Variants in TRPM3 observed in about 807,000 individuals in gnomAD.
The protein encoded by TRPM3 is long transient receptor potential channel 3.
TRPM3 carries 77 observed loss-of-function variants against 181.2 expected under a neutral mutation model. The observed-to-expected ratio is 0.42, with a 90% CI of 0.35 to 0.51. The LOEUF is 0.51. TRPM3 is among the 20% of genes least tolerant of loss of function. TRPM3 has a pLI of 0.01. For synonymous variants in TRPM3, 745 were observed against 796.4 expected, an observed-to-expected ratio of 0.94 and a Z score of 1.09; for missense variants, 1,759 against 2,196.7, an observed-to-expected ratio of 0.80 and a Z score of 3.98.
chr9:70,955,743 T>C (rs990923300), intron 1 of TRPM3, among the ~76,000 whole-genome samples: 12 of 152,176 alleles, frequency 7.9e-5, no homozygotes, highest in African/African-American at 2.4e-5. Context: ...GCAAATTACC[T>C]ACAGTATAAG....
chr9:71,342,044 T>C (rs1312638123), intron 1 of TRPM3, among the ~76,000 whole-genome samples: 1 of 151,696 alleles, frequency 6.6e-6, no homozygotes, highest in African/African-American at 2.4e-5. Context: ...GACGAAACAC[T>C]TCACTCAGAA....
At chr9:71,217,810 C>A (rs1369935890) in intron 1 of TRPM3, among the ~76,000 whole-genome samples, 2 of 152,096 alleles carry the variant, frequency 1.3e-5, no homozygotes, top group Admixed American at 6.5e-5. Flanking sequence ...ATCCTGCCCA[C>A]AGCATCCCCT....
chr9:71,035,050 T>C (rs527303034), intron 1 of TRPM3, among the ~76,000 whole-genome samples: 30 of 152,344 alleles, frequency 2.0e-4, no homozygotes, highest in African/African-American at 6.7e-4. Context: ...AATCCCATCC[T>C]GTTGGAAATT....
chr9:70,590,352 G>A (rs554331459), intron 22 of TRPM3, among the ~76,000 whole-genome samples: 7 of 152,234 alleles, frequency 4.6e-5, no homozygotes, highest in African/African-American at 1.7e-4. Flanking sequence ...AACCTTGGGG[G>A]CTTGCTGGCA....
intron 1 of TRPM3, among the ~76,000 whole-genome samples, chr9:71,328,092 C>A (rs533725981): frequency 4.5e-4 from 68 of 150,516 alleles, no homozygotes; most frequent in Middle Eastern, 3.4e-3. Context: ...AAAAAAAAAA[C>A]CCCAAGTGAC....
chr9:71,349,986 T>C (rs1002905374), intron 1 of TRPM3, among the ~76,000 whole-genome samples: 1 of 47,196 alleles, frequency 2.1e-5, no homozygotes, highest in Admixed American at 2.8e-4. Context: ...TATATATATA[T>C]ATATATATAT....
chr9:70,878,623 G>A (rs1229523446), intron 1 of TRPM3, among the ~76,000 whole-genome samples: 4 of 152,006 alleles, frequency 2.6e-5, no homozygotes, highest in Non-Finnish European at 5.9e-5. Flanking sequence ...CCATAAAATC[G>A]ATTATGCACA....
At chr9:71,356,170 T>C (rs926794309) in intron 1 of TRPM3, among the ~76,000 whole-genome samples, 1 of 152,216 alleles carries the variant, frequency 6.6e-6, no homozygotes, top group African/African-American at 2.4e-5. Flanking sequence ...TAGCCCTGTA[T>C]ATCATATGCT....
intron 8 of TRPM3, among the ~76,000 whole-genome samples, chr9:70,759,508 A>T (rs985668194): frequency 6.6e-6 from 1 of 152,264 alleles, no homozygotes; most frequent in African/African-American, 2.4e-5. Flanking sequence ...ATTATAAATC[A>T]TTCTACTATA....
At chr9:71,437,864 G>GAAAAAAAAAAAAAAAAAAA (rs35701065) in intron 1 of TRPM3, among the ~76,000 whole-genome samples, 1 of 116,408 alleles carries the variant, frequency 8.6e-6, no homozygotes. Flanking sequence ...CGAAACTCCG[G>GAAAAAAAAAAAAAAAAAAA]AAAAAAAAAA....
In TRPM3 at chr9:71,344,871, T is replaced by A. The variant is rs183907003; in HGVS notation, c.183+101782A>T. On this transcript the variant is annotated intron_variant, in intron 1 of 24. Coordinates refer to the TRPM3 transcript ENST00000357533. ...AACAATATATAAGGAACTCTTGCAA[T>A]TCAATAACAAGAAAACAAACACTCA... Among the ~76,000 whole-genome samples, 401 of 152,236 alleles carry A rather than the reference T, an allele frequency of 2.6e-3. 2 individuals are homozygous for A. Among genetic ancestry groups the A allele is most frequent in the Middle Eastern group, 3.4e-3 (1 of 292 alleles).
At chr9:71,253,733 CA>C (rs2082496007) in intron 1 of TRPM3, among the ~76,000 whole-genome samples, 1 of 152,020 alleles carries the variant, frequency 6.6e-6, no homozygotes, top group African/African-American at 2.4e-5. Context: ...ATCAGTATGT[CA>C]AAGAGACGTC....
intron 1 of TRPM3, among the ~76,000 whole-genome samples, chr9:71,429,030 A>G (rs2093917797): frequency 6.6e-6 from 1 of 151,876 alleles, no homozygotes; most frequent in African/African-American, 2.4e-5. Flanking sequence ...TTTGCACAAT[A>G]CTGTATCTCA....
intron 1 of TRPM3, among the ~76,000 whole-genome samples, chr9:71,101,125 C>T (rs76848970): frequency 0.014 from 2,089 of 152,272 alleles, 36 homozygotes; most frequent in African/African-American, 0.048. Flanking sequence ...AATACACTTA[C>T]TGCCTCTACT....
chr9:71,047,810 TCACACACA>T (rs56653631), intron 1 of TRPM3, among the ~76,000 whole-genome samples: 24,615 of 141,368 alleles, frequency 0.17, 2,108 homozygotes, highest in Middle Eastern at 0.25. Context: ...ACTGGCTGCA[TCACACACA>T]CACACACACA....
chr9:71,025,994 C>T (rs2097893481), intron 1 of TRPM3, among the ~76,000 whole-genome samples: 1 of 152,204 alleles, frequency 6.6e-6, no homozygotes, highest in South Asian at 2.1e-4. Flanking sequence ...CCTGCTCTTA[C>T]CATGGGCCTC....
At position 71,358,781 on chromosome 9, in the gene TRPM3, G is replaced by A. The variant is rs541759397; in HGVS notation, c.183+87872C>T. ...CTTCTACCACCAAGCACTTGATCAC[G>A]GTGAAGTGGATCAAACTCATAGCTC... On this transcript the variant is annotated intron_variant, in intron 1 of 24. Transcript: ENST00000357533. 9.9e-5 allele frequency among the ~76,000 whole-genome samples: 15 copies of A among 152,182 alleles called. No homozygotes were observed. In the South Asian group the frequency reaches 2.3e-3, roughly 23 times the overall value.
chr9:70,960,633 T>C (rs977521539), intron 1 of TRPM3, among the ~76,000 whole-genome samples: 28 of 152,188 alleles, frequency 1.8e-4, no homozygotes, highest in African/African-American at 6.8e-4. Flanking sequence ...TGCTTTCCCA[T>C]GGCGAAGCAA....
rs2057918306 is a variant in TRPM3, at chr9:70,640,634, G to C, written c.1372C>G (p.Leu458Val). Residue 458 changes from leucine (L) to valine (V), a missense_variant, in exon 10 of 26, where the codon CTG becomes GTG. Around this residue, in one of 8 missense-constraint regions of TRPM3, gnomAD observed 737 missense variants for 957.4 expected, o/e 0.77. Transcript: ENST00000677713. ...KGANASAPDQ[L>V]SLALAWNRVD... Reference sequence around the variant, plus strand: ...CTGTTCCAGGCTAAAGCTAAGCTCAGTTGGTCTGGGGCCGAGGCATTGGCT... The same window carrying C: ...CTGTTCCAGGCTAAAGCTAAGCTCACTTGGTCTGGGGCCGAGGCATTGGCT... 1 of 1,613,554 alleles carries C rather than the reference G, an allele frequency of 6.2e-7. No individual in the cohort carries two copies. The highest frequency in any genetic ancestry group is 1.3e-5 in the African/African-American group (1 of 74,898).
Sources: gnomAD v4.1 joint callset for allele counts (sites outside exome capture counted in the v4.1 genomes callset) on GRCh38, gnomAD v4.1.1 for gene constraint, gnomAD v4.1.1 regional missense constraint, MANE v1.5 for transcripts, NCBI Gene and HGNC (gene_info 2026-07-23, HGNC 2026-07-21) for gene names.